Variants in IQGAP2 observed in about 807,000 individuals in gnomAD.
The protein encoded by IQGAP2 is IQ motif containing GTPase activating protein 2.
A neutral mutation model predicts 201.3 loss-of-function variants in IQGAP2; 173 were observed. The observed-to-expected ratio is 0.86, with a 90% confidence interval of 0.76 to 0.98. IQGAP2 has a LOEUF of 0.98. Ranked by LOEUF, IQGAP2 falls within the 50% of genes least tolerant of loss-of-function variation. The pLI, the probability that IQGAP2 is intolerant of heterozygous loss-of-function variation, is 0.00. For missense variants in IQGAP2, 1,687 were observed against 1,864.8 expected (o/e 0.90, Z 1.76); for synonymous variants, 675 against 673.9 (o/e 1.00, Z -0.03).
intron 17 of IQGAP2, among the ~76,000 whole-genome samples, chr5:76,648,060 T>C (rs947056421): frequency 6.6e-6 from 1 of 151,986 alleles, no homozygotes; most frequent in Non-Finnish European, 1.5e-5. Flanking sequence ...CACCATCCAG[T>C]TGTAATGAGG....
In IQGAP2 at chr5:76,590,554, A is replaced by G. The variant is rs1376526031; in HGVS notation, c.787A>G (p.Lys263Glu). Residue 263 changes from lysine (K) to glutamate (E), a missense_variant, in exon 8 of 36, where the codon AAA (lysine) becomes GAA (glutamate). Lys to Glu is a moderately conservative substitution (Grantham distance 56, BLOSUM62 1). Transcript: ENST00000274364. ...ATATCAGAAAGAACTCTGGGATGCC[A>G]AAAAGAAAAAAGAGGAAAATGCAAG... ...PEYQKELWDAKKKKEENARLK... is the reference protein window; with the variant it reads ...PEYQKELWDAEKKKEENARLK... 8 of 1,608,486 alleles carry G rather than the reference A, an allele frequency of 5.0e-6. No homozygotes were observed. The highest frequency in any genetic ancestry group is 6.8e-6 in the Non-Finnish European group (8 of 1,178,342).
intron 5 of IQGAP2, among the ~76,000 whole-genome samples, chr5:76,583,265 T>G (rs766986163): frequency 6.6e-5 from 10 of 152,212 alleles, no homozygotes; most frequent in Non-Finnish European, 1.5e-4. Context: ...GAAGGAAGTT[T>G]GCTATTGCTG....
chr5:76,617,721 T>G, intron 13 of IQGAP2: 1 of 1,614,042 alleles, frequency 6.2e-7, no homozygotes, highest in Non-Finnish European at 8.5e-7. Flanking sequence ...GTTGTTGTAG[T>G]AGTAGTTAGC....
intron 2 of IQGAP2, among the ~76,000 whole-genome samples, chr5:76,528,988 A>C (rs1459721652): frequency 6.6e-6 from 1 of 152,238 alleles, no homozygotes; most frequent in African/African-American, 2.4e-5. Context: ...ACTTTGAAAC[A>C]GTTTTACCCA....
At chr5:76,664,992 T>G (rs1743618604) in intron 21 of IQGAP2, 34 bp from the exon 22 acceptor site, 1 of 1,183,652 alleles carries the variant, frequency 8.4e-7, no homozygotes, top group Non-Finnish European at 1.2e-6. Flanking sequence ...AGTATGAGAA[T>G]TAAAAAGGAG....
At chr5:76,704,002 G>A (rs942147990) in intron 35 of IQGAP2, among the ~76,000 whole-genome samples, 5 of 152,282 alleles carry the variant, frequency 3.3e-5, no homozygotes, top group Admixed American at 1.3e-4. Flanking sequence ...AAAGAAAAAC[G>A]GGAGCTGAAT....
At chr5:76,660,049 A>G (rs6862238) in intron 21 of IQGAP2, 78,746 of 151,994 alleles carry the variant, frequency 0.52, 20,486 homozygotes, top group African/African-American at 0.55. Context: ...CTGATAGGTC[A>G]AAGAGGGAAA....
chr5:76,627,314 G>T, intron 13 of IQGAP2, 96 bp from the exon 14 acceptor site: 1 of 860,356 alleles, frequency 1.2e-6, no homozygotes, highest in East Asian at 2.5e-5. Flanking sequence ...AAGAATTTGT[G>T]GGAATTATGA....
intron 24 of IQGAP2, among the ~76,000 whole-genome samples, chr5:76,672,573 T>C (rs1006279779): frequency 1.3e-5 from 2 of 152,184 alleles, no homozygotes; most frequent in African/African-American, 4.8e-5. Flanking sequence ...GGAATAAGTA[T>C]TTGGAATCGT....
chr5:76,623,136 C>A, intron 13 of IQGAP2: 1 of 1,608,290 alleles, frequency 6.2e-7, no homozygotes, highest in Non-Finnish European at 8.5e-7. Context: ...AAACCCACAT[C>A]CCCATCCTAC....
intron 30 of IQGAP2, among the ~76,000 whole-genome samples, chr5:76,686,300 T>TC (rs1248019399): frequency 6.6e-6 from 1 of 151,486 alleles, no homozygotes; most frequent in Non-Finnish European, 1.5e-5. Context: ...ACAAATGTTT[T>TC]TTTTTTTTTA....
At chr5:76,508,694 TG>T in intron 2 of IQGAP2, among the ~76,000 whole-genome samples, 2 of 151,720 alleles carry the variant, frequency 1.3e-5, no homozygotes, top group African/African-American at 4.8e-5. Flanking sequence ...TTTTTTGTTT[TG>T]TTTTGTTTTT....
chr5:76,579,668 T>G (rs1477578297), intron 5 of IQGAP2, among the ~76,000 whole-genome samples: 1 of 152,192 alleles, frequency 6.6e-6, no homozygotes, highest in Admixed American at 6.5e-5. Context: ...TAAATATTTT[T>G]TTTTTAATTA....
chr5:76,542,605 C>T (rs1561449716), intron 2 of IQGAP2, among the ~76,000 whole-genome samples: 1 of 152,248 alleles, frequency 6.6e-6, no homozygotes, highest in East Asian at 1.9e-4. Context: ...CCTCCACTGA[C>T]ACTTTCTTTC....
chr5:76,433,827 G>A (rs1752510899), intron 1 of IQGAP2, among the ~76,000 whole-genome samples: 1 of 152,084 alleles, frequency 6.6e-6, no homozygotes, highest in South Asian at 2.1e-4. Context: ...TAACTTCAGT[G>A]TTTTCCTATT....
intron 23 of IQGAP2, among the ~76,000 whole-genome samples, chr5:76,670,617 G>T (rs1240050608): frequency 6.6e-6 from 1 of 152,166 alleles, no homozygotes; most frequent in Non-Finnish European, 1.5e-5. Flanking sequence ...GCATTGTCAA[G>T]CTCTAAAGGG....
intron 17 of IQGAP2, among the ~76,000 whole-genome samples, chr5:76,643,330 A>G (rs1490696219): frequency 6.6e-6 from 1 of 152,266 alleles, no homozygotes; most frequent in Admixed American, 6.5e-5. Flanking sequence ...ACATAATTGG[A>G]GCAGACACAA....
chr5:76,647,852 A>ACACACACACACACACACACACACAC (rs558983752), intron 17 of IQGAP2, among the ~76,000 whole-genome samples: 2 of 142,838 alleles, frequency 1.4e-5, no homozygotes, highest in African/African-American at 5.4e-5. Flanking sequence ...CACACACACA[A>ACACACACACACACACACACACACAC]ACGAAAAAAA....
At chr5:76,445,832 T>TGAAC (rs1456188212) in intron 1 of IQGAP2, among the ~76,000 whole-genome samples, 1 of 152,172 alleles carries the variant, frequency 6.6e-6, no homozygotes, top group Non-Finnish European at 1.5e-5. Flanking sequence ...GCAGCCAACA[T>TGAAC]GAACGCCCCG....
Sources: allele counts gnomAD v4.1 joint callset (sites outside exome capture counted in the v4.1 genomes callset), GRCh38; gene constraint gnomAD v4.1.1; transcripts MANE v1.5; gene names NCBI Gene and HGNC (gene_info 2026-07-23, HGNC 2026-07-21).